Variants in TENM4 observed in about 807,000 individuals in gnomAD.
The protein encoded by TENM4 is teneurin transmembrane protein 4, also known as teneurin-4.
TENM4 carries 82 observed loss-of-function variants against 243.3 expected under a neutral mutation model. That is an observed-to-expected ratio of 0.34 (90% confidence interval 0.28 to 0.40). TENM4 has a LOEUF of 0.40. Ranked by LOEUF, TENM4 falls within the 10% of genes least tolerant of loss-of-function variation. TENM4 has a pLI of 1.00. For synonymous variants in TENM4, 1,412 were observed against 1,456.3 expected, an observed-to-expected ratio of 0.97 and a Z score of 0.69; for missense variants, 3,138 against 3,673.3, an observed-to-expected ratio of 0.85 and a Z score of 3.77.
At chr11:79,411,398 C>T (rs1252356730) in intron 1 of TENM4, among the ~76,000 whole-genome samples, 1 of 152,168 alleles carries the variant, frequency 6.6e-6, no homozygotes, top group Non-Finnish European at 1.5e-5. Context: ...GTATTATTAG[C>T]CCATTTTACA....
chr11:78,685,531 T>C (rs1030683299), intron 29 of TENM4, among the ~76,000 whole-genome samples: 1 of 152,250 alleles, frequency 6.6e-6, no homozygotes, highest in Non-Finnish European at 1.5e-5. Flanking sequence ...TGTGTCCACG[T>C]ATGCCTTTTG....
intron 1 of TENM4, among the ~76,000 whole-genome samples, chr11:79,428,313 A>C (rs1013257052): frequency 8.5e-5 from 13 of 152,364 alleles, no homozygotes; most frequent in African/African-American, 3.1e-4. Flanking sequence ...CGCTGAGTAG[A>C]AGTACTTCTC....
At chr11:79,311,579 T>A (rs75127280) in intron 1 of TENM4, among the ~76,000 whole-genome samples, 2,265 of 152,294 alleles carry the variant, frequency 0.015, 66 homozygotes, top group African/African-American at 0.049. Context: ...TTTTTATGAG[T>A]CCATAAAAAT....
intron 18 of TENM4, 109 bp from the exon 19 acceptor site, chr11:78,757,130 T>C: frequency 8.3e-7 from 1 of 1,204,056 alleles, no homozygotes; most frequent in South Asian, 1.6e-5. Context: ...TCAAAAACTT[T>C]ATTAAATGCT....
intron 29 of TENM4, among the ~76,000 whole-genome samples, chr11:78,676,877 G>C (rs555844978): frequency 6.6e-6 from 1 of 152,116 alleles, no homozygotes; most frequent in African/African-American, 2.4e-5. Flanking sequence ...AAGTGAAAAA[G>C]AAGTCACATG....
intron 1 of TENM4, among the ~76,000 whole-genome samples, chr11:79,372,888 T>G (rs145624455): frequency 6.6e-6 from 1 of 152,100 alleles, no homozygotes; most frequent in East Asian, 1.9e-4. Flanking sequence ...ACAAGGTGAC[T>G]TGGGCAAGGC....
At chr11:78,768,427 T>C (rs778657037) in intron 18 of TENM4, among the ~76,000 whole-genome samples, 1 of 152,222 alleles carries the variant, frequency 6.6e-6, no homozygotes, top group Non-Finnish European at 1.5e-5. Flanking sequence ...GCATCTGATA[T>C]CAGTTGAATG....
chr11:79,057,494 T>A (rs1259503287), intron 6 of TENM4, among the ~76,000 whole-genome samples: 2 of 152,196 alleles, frequency 1.3e-5, no homozygotes, highest in African/African-American at 2.4e-5. Context: ...CTGGCTACCA[T>A]CTTTACAACT....
chr11:79,438,497 G>A lies in TENM4; in HGVS notation c.-321+2012C>T, dbSNP rs1385966412. Among the ~76,000 whole-genome samples, 1 of 152,180 alleles carries A rather than the reference G, an allele frequency of 6.6e-6. No homozygotes were observed. Among genetic ancestry groups the A allele is most frequent in the East Asian group, 1.9e-4 (1 of 5,166 alleles). On this transcript the variant is annotated intron_variant, in intron 1 of 33. Coordinates refer to ENST00000278550, the MANE Select transcript of TENM4 (RefSeq NM_001098816.3). The surrounding 1 kb of genome is among the most constrained non-coding windows in gnomAD (Gnocchi z 4.1). Reference sequence around the variant, plus strand: ...GGAATAGGTGTAGGTAAGGGTGGCAGCCCGGCAGAGCCAGCGTTCTACTCC... The same window carrying A: ...GGAATAGGTGTAGGTAAGGGTGGCAACCCGGCAGAGCCAGCGTTCTACTCC...
rs1014307840 is a variant in TENM4 at position 78,964,019 on chromosome 11, G to A, written c.494-60496C>T. ...CCCAAAGTGCTAGGATTACAGGTGT[G>A]AGCCACCACACCCAGACTTTTTTTT... On this transcript the variant is annotated intron_variant, in intron 6 of 33. Coordinates refer to ENST00000278550, the MANE Select transcript of TENM4 (RefSeq NM_001098816.3). Among the ~76,000 whole-genome samples, 3 of 146,358 alleles carry A rather than the reference G, an allele frequency of 2.0e-5. No homozygotes were observed. The East Asian group carries it at 6.0e-4, about 29-fold the overall frequency.
chr11:78,745,253 G>C (rs1406130645), intron 19 of TENM4, among the ~76,000 whole-genome samples: 2 of 126,698 alleles, frequency 1.6e-5, no homozygotes, highest in Non-Finnish European at 3.1e-5. Context: ...TTGAGACAAA[G>C]TCTGACTCTG....
intron 32 of TENM4, among the ~76,000 whole-genome samples, chr11:78,668,314 G>C (rs2135664429): frequency 1.3e-5 from 2 of 151,970 alleles, no homozygotes; most frequent in Middle Eastern, 6.8e-3. Flanking sequence ...GTTTCTCTAG[G>C]GTTTATAATA....
intron 2 of TENM4, among the ~76,000 whole-genome samples, chr11:79,291,226 A>T (rs1856351262): frequency 6.6e-6 from 1 of 152,002 alleles, no homozygotes; most frequent in African/African-American, 2.4e-5. Flanking sequence ...ACCCTTCTCA[A>T]AGACAAAAAA....
intron 6 of TENM4, among the ~76,000 whole-genome samples, chr11:78,984,632 C>T (rs749098287): frequency 6.6e-6 from 1 of 152,116 alleles, no homozygotes; most frequent in Non-Finnish European, 1.5e-5. Flanking sequence ...CTCTGATTGC[C>T]ATAATGTTCT....
intron 2 of TENM4, among the ~76,000 whole-genome samples, chr11:79,221,410 G>A (rs1864151583): frequency 6.6e-6 from 1 of 151,596 alleles, no homozygotes; most frequent in Non-Finnish European, 1.5e-5. Context: ...TATGGCAGCT[G>A]CAGCTGCTGC....
chr11:79,334,021 G>C (rs1273373908), intron 1 of TENM4, among the ~76,000 whole-genome samples: 1 of 152,180 alleles, frequency 6.6e-6, no homozygotes, highest in Non-Finnish European at 1.5e-5. Flanking sequence ...GCCTTTTCTA[G>C]CACACAGAAT....
At chr11:78,878,484 C>A (rs777419900) in intron 9 of TENM4, among the ~76,000 whole-genome samples, 1 of 152,110 alleles carries the variant, frequency 6.6e-6, no homozygotes, top group East Asian at 1.9e-4. Flanking sequence ...CCTGAAGTAG[C>A]GACACTTGAG....
In TENM4 at chr11:78,859,486, T is replaced by C. The variant is rs150583322; in HGVS notation, c.1256-3308A>G. Among the ~76,000 whole-genome samples the C allele has an allele frequency of 8.3e-4, 126 of 152,352 alleles. 1 individual carries two copies. The highest frequency in any genetic ancestry group is 2.9e-3 in the African/African-American group (122 of 41,580). ...CTGTGCAAATATGCAATCATGTCTATAAAAGAAATTTCTTAATGAATTGCT... is the reference window on the plus strand; with the variant it reads ...CTGTGCAAATATGCAATCATGTCTACAAAAGAAATTTCTTAATGAATTGCT... On this transcript the variant is annotated intron_variant, in intron 10 of 33. Coordinates refer to ENST00000278550, the MANE Select transcript of TENM4 (RefSeq NM_001098816.3).
At chr11:78,883,739 A>G (rs1019396702) in intron 9 of TENM4, among the ~76,000 whole-genome samples, 3 of 152,374 alleles carry the variant, frequency 2.0e-5, no homozygotes, top group African/African-American at 7.2e-5. Flanking sequence ...TTTTATCTGC[A>G]CAGAAGCAAC....
Sources: gnomAD v4.1 joint callset for allele counts (sites outside exome capture counted in the v4.1 genomes callset) on GRCh38, gnomAD v4.1.1 for gene constraint, Gnocchi (gnomAD v3.1) non-coding constraint, MANE v1.5 for transcripts, NCBI Gene and HGNC (gene_info 2026-07-23, HGNC 2026-07-21) for gene names.